The following GREM1 variants were observed in gnomAD, a reference collection of about 807,000 sequenced individuals.
GREM1 encodes gremlin-1.
GREM1 carries 6 observed loss-of-function variants against 13.1 expected under a neutral mutation model. That is an observed-to-expected ratio of 0.46 (90% confidence interval 0.25 to 0.91). GREM1 has a LOEUF of 0.91. Among genes scored for constraint, GREM1 ranks in the 40% least tolerant of loss-of-function variants. The pLI is 0.18. For missense variants in GREM1, 185 were observed against 233.9 expected, an observed-to-expected ratio of 0.79 and a Z score of 1.36; for synonymous variants, 98 against 93.7, an observed-to-expected ratio of 1.05 and a Z score of -0.27.
rs1433773671 is a variant in GREM1, at chr15:32,744,963, A to C, written c.*13718A>C. 1 of 152,206 alleles carries C rather than the reference A, an allele frequency of 6.6e-6. No homozygotes were observed. Among genetic ancestry groups the C allele is most frequent in the African/African-American group, 2.4e-5 (1 of 41,440 alleles). The allele number at this position is 152,206 out of a possible 1,614,324, so 9.4% of individuals were successfully genotyped here. ...AAACTTGATTTCGTAGATTGCTTTAAAATAAGAACAAAATGTACTTTGACA... is the reference window on the plus strand; with the variant it reads ...AAACTTGATTTCGTAGATTGCTTTACAATAAGAACAAAATGTACTTTGACA... On this transcript the variant is annotated 3_prime_UTR_variant, in exon 2 of 2. Transcript: ENST00000651154.
At chr15:32,719,915 G>A (rs2055376998) in intron 1 of GREM1, among the ~76,000 whole-genome samples, 1 of 152,110 alleles carries the variant, frequency 6.6e-6, no homozygotes, top group Non-Finnish European at 1.5e-5. Flanking sequence ...ACTTTTCAAA[G>A]CAAGGAGGGA....
chr15:32,730,859 A>C lies in GREM1; in HGVS notation c.169A>C (p.Asn57His), dbSNP rs754206331. 2.2e-5 allele frequency: 36 copies of C among 1,613,484 alleles called. No individual in the cohort carries two copies. Among genetic ancestry groups the C allele is most frequent in the Non-Finnish European group, 3.0e-5 (35 of 1,179,806 alleles). ...TQSPQQPGSRNRGRGQGRGTA... is the reference protein window; with the variant it reads ...TQSPQQPGSRHRGRGQGRGTA... ...GTCGCCCCAGCAGCCTGGCTCCAGG[A>C]ACCGGGGGCGGGGCCAAGGGCGGGG... Residue 57 changes from asparagine to histidine, a missense_variant, in exon 2 of 2, where the codon AAC becomes CAC. By Grantham distance (68) the Asn-to-His change is moderately conservative. Transcript: ENST00000651154.
chr15:32,718,466 GTGGCAGCAGCGCC>G (rs1287550231), intron 1 of GREM1: 2 of 468,558 alleles, frequency 4.3e-6, no homozygotes, highest in Non-Finnish European at 8.5e-6. Context: ...CCTGGTGCTG[GTGGCAGCAGCGCC>G]TGGCAGACGC....
At chr15:32,720,471 G>A (rs558824371) in intron 1 of GREM1, among the ~76,000 whole-genome samples, 1 of 152,180 alleles carries the variant, frequency 6.6e-6, no homozygotes, top group Non-Finnish European at 1.5e-5. Flanking sequence ...CCACAACAGA[G>A]AGTAAAGGAC....
At chr15:32,725,035 C>G (rs2055476591) in intron 1 of GREM1, among the ~76,000 whole-genome samples, 1 of 111,574 alleles carries the variant, frequency 9.0e-6, no homozygotes, top group South Asian at 3.0e-4. Flanking sequence ...TCCAGTCTAT[C>G]ATTGATGAGC....
At chr15:32,721,675 G>A (rs141775937) in intron 1 of GREM1, among the ~76,000 whole-genome samples, 1 of 151,990 alleles carries the variant, frequency 6.6e-6, no homozygotes, top group African/African-American at 2.4e-5. Flanking sequence ...AATCACTTGA[G>A]CCCAGGAGGC....
rs1282614610 is a variant in GREM1 at position 32,732,689 on chromosome 15, A to G, written c.*1444A>G. 3.3e-5 allele frequency: 8 copies of G among 239,416 alleles called. No homozygotes were observed. The highest frequency in any genetic ancestry group is 7.1e-5 in the Non-Finnish European group (8 of 112,836). The allele number at this position is 239,416 out of a possible 1,614,324, so 14.8% of individuals were successfully genotyped here. On this transcript the variant is annotated 3_prime_UTR_variant, in exon 2 of 2. Coordinates refer to ENST00000651154, the MANE Select transcript of GREM1 (RefSeq NM_013372.7). ...TGCTACTGGTTGGATGGACATAACTATTGTAACTATTCAGTATTTACTGGT... is the reference window on the plus strand; with the variant it reads ...TGCTACTGGTTGGATGGACATAACTGTTGTAACTATTCAGTATTTACTGGT...
intron 1 of GREM1, chr15:32,718,766 G>A (rs2055348401): frequency 3.2e-6 from 1 of 315,450 alleles, no homozygotes; most frequent in East Asian, 8.2e-5. Context: ...CCGAACGGTG[G>A]GTAATCCGAC....
At position 32,718,082 on chromosome 15, in the gene GREM1, A is replaced by G. The variant is rs2055324779; in HGVS notation, c.-81A>G. The G allele has an allele frequency of 8.2e-7, 1 of 1,217,700 alleles. No homozygotes were observed. Among genetic ancestry groups the G allele is most frequent in the African/African-American group, 1.6e-5 (1 of 61,770 alleles). The allele number at this position is 1,217,700 out of a possible 1,614,324, so 75.4% of individuals were successfully genotyped here. On this transcript the variant is annotated 5_prime_UTR_variant, in exon 1 of 2. Transcript: ENST00000651154. ...TCTCGGTCCCGCTGACCCCGCGCCG[A>G]GCCCCGGCGGCTCTGGCCGCGGCCG...
chr15:32,734,505 G>A lies in GREM1; in HGVS notation c.*3260G>A, dbSNP rs1363722545. ...CGGCAAAGAATTATATAGACTATGAGGTACCTTGCTGTGTAGGAGGATGAA... is the reference window on the plus strand; with the variant it reads ...CGGCAAAGAATTATATAGACTATGAAGTACCTTGCTGTGTAGGAGGATGAA... On this transcript the variant is annotated 3_prime_UTR_variant, in exon 2 of 2. Coordinates refer to ENST00000651154, the MANE Select transcript of GREM1 (RefSeq NM_013372.7). 2 of 246,696 alleles carry A rather than the reference G, an allele frequency of 8.1e-6. No individual in the cohort carries two copies. The allele number at this position is 246,696 out of a possible 1,614,324, so 15.3% of individuals were successfully genotyped here.
chr15:32,720,879 A>G lies in GREM1; in HGVS notation c.-2+2718A>G, dbSNP rs10851767. On this transcript the variant is annotated intron_variant, in intron 1 of 1. Transcript: ENST00000651154. ...TTGGGTTTAAACTGCTGGCTGGGCT[A>G]GGCACAGTGGCTCACACCGGTAATC... 0.98 allele frequency among the ~76,000 whole-genome samples: 149,232 copies of G among 152,310 alleles called. 73,118 individuals carry two copies. Among genetic ancestry groups the G allele is most frequent in the East Asian group, 1 (5,181 of 5,184 alleles).
chr15:32,731,081 A>G lies in GREM1; in HGVS notation c.391A>G (p.Ile131Val), dbSNP rs145439767. Residue 131 changes from isoleucine (I) to valine (V), a missense_variant, in exon 2 of 2, where the codon ATC (isoleucine) becomes GTC (valine). By Grantham distance (29) the Ile-to-Val change is conservative. Transcript: ENST00000651154. ...CAACTCTTTCTACATCCCCAGGCACATCCGGAAGGAGGAAGGTTCCTTTCA... is the reference window on the plus strand; with the variant it reads ...CAACTCTTTCTACATCCCCAGGCACGTCCGGAAGGAGGAAGGTTCCTTTCA... ...QCNSFYIPRH[I>V]RKEEGSFQSC... The G allele has an allele frequency of 1.1e-5, 18 of 1,614,102 alleles. No homozygotes were observed. The highest frequency in any genetic ancestry group is 5.3e-5 in the African/African-American group (4 of 74,924).
At chr15:32,719,419 G>A (rs199549643) in intron 1 of GREM1, among the ~76,000 whole-genome samples, 1 of 152,158 alleles carries the variant, frequency 6.6e-6, no homozygotes, top group Admixed American at 6.5e-5. Flanking sequence ...ATTCCTGCGC[G>A]CCCGGAGCTG....
In GREM1 at chr15:32,729,003, TTTC is replaced by T. The variant is rs563476040; in HGVS notation, c.-1-1684_-1-1682del. On this transcript the variant is annotated intron_variant, in intron 1 of 1. Coordinates refer to ENST00000651154, the MANE Select transcript of GREM1 (RefSeq NM_013372.7). ...CAATATCCCCAGATATTGTCTGCAC[TTTC>T]TTTTTTTTTTTCTTTCTTTCTTTCT... Among the ~76,000 whole-genome samples the T allele has an allele frequency of 4.6e-5, 7 of 152,122 alleles. No individual in the cohort carries two copies. The South Asian group carries it at 1.5e-3, about 32-fold the overall frequency.
In GREM1 at chr15:32,738,083, C is replaced by CAAAAAAAAAAAAAAAAAAAAAAAAAA. The variant is rs67118209; in HGVS notation, c.*6863_*6888dup. On this transcript the variant is annotated 3_prime_UTR_variant, in exon 2 of 2. Coordinates refer to ENST00000651154, the MANE Select transcript of GREM1 (RefSeq NM_013372.7). ...GGAGGTTCTACCTAGGGTAATTAGG[C>CAAAAAAAAAAAAAAAAAAAAAAAAAA]AAAAAAAAAAAAAAAAAAAAAAAAA... 1.6e-4 allele frequency: 3 copies of CAAAAAAAAAAAAAAAAAAAAAAAAAA among 18,920 alleles called. No homozygotes were observed. The highest frequency in any genetic ancestry group is 2.3e-4 in the African/African-American group (1 of 4,372). The allele number at this position is 18,920 out of a possible 1,614,324, so 1.2% of individuals were successfully genotyped here.
At chr15:32,727,618 A>G (rs2055536103) in intron 1 of GREM1, among the ~76,000 whole-genome samples, 1 of 152,184 alleles carries the variant, frequency 6.6e-6, no homozygotes, top group Non-Finnish European at 1.5e-5. Context: ...CCTATTCAAC[A>G]TACTATTGGA....
rs1221657731 is a variant in GREM1, at chr15:32,744,488, G to A, written c.*13243G>A. ...CTCGGGAGGCTGAGGCAGGGGAATG[G>A]CGTGAACCCGGGAGACGGAGCTTGC... is the stretch of plus-strand genomic sequence containing the variant. On this transcript the variant is annotated 3_prime_UTR_variant, in exon 2 of 2. Transcript: ENST00000651154. The A allele has an allele frequency of 6.6e-6, 1 of 151,468 alleles. No individual in the cohort carries two copies. Among genetic ancestry groups the A allele is most frequent in the African/African-American group, 2.4e-5 (1 of 41,192 alleles). The allele number at this position is 151,468 out of a possible 1,614,324, so 9.4% of individuals were successfully genotyped here.
chr15:32,729,114 C>T (rs1208034829), intron 1 of GREM1, among the ~76,000 whole-genome samples: 1 of 151,938 alleles, frequency 6.6e-6, no homozygotes, highest in Non-Finnish European at 1.5e-5. Context: ...AGCTCTGACT[C>T]CCGGGTTCAC....
At chr15:32,722,930 G>T (rs1409001022) in intron 1 of GREM1, among the ~76,000 whole-genome samples, 1 of 152,128 alleles carries the variant, frequency 6.6e-6, no homozygotes, top group Non-Finnish European at 1.5e-5. Context: ...TATACTGTCT[G>T]CAAAAAAGAA....
Sources: allele counts gnomAD v4.1 joint callset (sites outside exome capture counted in the v4.1 genomes callset), GRCh38; gene constraint gnomAD v4.1.1; transcripts MANE v1.5; gene names NCBI Gene and HGNC (gene_info 2026-07-23, HGNC 2026-07-21).